HAGH: variants seen among roughly 807,000 people sequenced by gnomAD.
HAGH encodes hydroxyacylglutathione hydrolase, mitochondrial.
In HAGH, 29 loss-of-function variants were observed where a neutral mutation model predicts 35.1. The observed-to-expected ratio is 0.83, with a 90% CI of 0.62 to 1.13. The LOEUF is 1.13. Among genes scored for constraint, HAGH ranks in the 50% most tolerant of loss-of-function variants. The pLI is 0.00. For missense variants in HAGH, 478 were observed against 419.6 expected, an observed-to-expected ratio of 1.14 and a Z score of -1.22; for synonymous variants, 225 against 176.1, an observed-to-expected ratio of 1.28 and a Z score of -2.20.
At position 1,809,020 on chromosome 16, in the gene HAGH, G is replaced by T; in HGVS notation, c.*263C>A. On this transcript the variant is annotated 3_prime_UTR_variant, in exon 9 of 9. Coordinates refer to ENST00000397356, the MANE Select transcript of HAGH (RefSeq NM_005326.6). ...GACCTGAAGCGTGGGTGGGGGGACT[G>T]CAGTGGCTCACGGAGGAGGAAGGAG... 2.1e-6 allele frequency: 1 copy of T among 478,552 alleles called. No homozygotes were observed. The highest frequency in any genetic ancestry group is 3.7e-6 in the Non-Finnish European group (1 of 266,704). 29.6% of individuals were successfully genotyped at this position (478,552 alleles called of 1,614,324 possible).
Position 1,814,930 on chromosome 16 carries a change from T to TATAC in HAGH, c.747+1962_747+1963insGTAT, listed in dbSNP as rs1555467327. 9.5e-3 allele frequency among the ~76,000 whole-genome samples: 1,343 copies of TATAC among 140,718 alleles called. 94 individuals carry two copies. The East Asian group carries it at 0.19, about 20-fold the overall frequency. 92.3% of individuals were successfully genotyped at this position (140,718 alleles called of 152,430 possible). A position where few individuals can be genotyped will look rare whatever the true frequency, so the allele number is the denominator to read the frequency against. ...AAACAAATAAATATATATATGTATA[T>TATAC]ACACACACACACACACACACACACA... On this transcript the variant is annotated intron_variant, in intron 7 of 8. Coordinates refer to ENST00000397356, the MANE Select transcript of HAGH (RefSeq NM_005326.6).
intron 2 of HAGH, among the ~76,000 whole-genome samples, 161 bp downstream of exon 2, chr16:1,822,704 G>T (rs762472515): frequency 2.0e-5 from 3 of 152,192 alleles, no homozygotes; most frequent in Admixed American, 6.5e-5. Context: ...ACTGCCTCTC[G>T]CCTCCACCCT....
intron 7 of HAGH, among the ~76,000 whole-genome samples, chr16:1,813,519 T>C (rs2575357): frequency 0.22 from 34,103 of 152,144 alleles, 3,888 homozygotes; most frequent in East Asian, 0.29. Context: ...TGCTTAGGGA[T>C]CCATTTAGTA....
Position 1,809,270 on chromosome 16 carries a change from G to T in HAGH, c.*13C>A. ...AGCCTAATCCCCAAATCCGCTGAAG[G>T]TGCAGGGCGGCCTCAGTCCCGGGGC... On this transcript the variant is annotated 3_prime_UTR_variant, in exon 9 of 9. Transcript: ENST00000397356. 1.3e-6 allele frequency: 2 copies of T among 1,570,740 alleles called. No individual in the cohort carries two copies. Among genetic ancestry groups the T allele is most frequent in the Non-Finnish European group, 1.7e-6 (2 of 1,145,442 alleles).
Position 1,815,151 on chromosome 16 carries a change from G to A in HAGH, c.747+1742C>T, listed in dbSNP as rs138727622. On this transcript the variant is annotated intron_variant, in intron 7 of 8. Transcript: ENST00000397356. ...ATCCACATTTTAAAGGCAGTGAGACGCCACCACAGGCAAGTTAGAATGGCA... is the reference window on the plus strand; with the variant it reads ...ATCCACATTTTAAAGGCAGTGAGACACCACCACAGGCAAGTTAGAATGGCA... 2.2e-3 allele frequency among the ~76,000 whole-genome samples: 341 copies of A among 152,200 alleles called. 2 individuals are homozygous for A. Among genetic ancestry groups the A allele is most frequent in the African/African-American group, 7.6e-3 (315 of 41,528 alleles).
chr16:1,807,742 T>TCTG lies in HAGH; in HGVS notation c.*1538_*1540dup, dbSNP rs1316239665. ...TGGGAGAAGAAAGCCGGAGAAGCAG[T>TCTG]CTGCCCTGCCTCCTCACACACGCCT... On this transcript the variant is annotated 3_prime_UTR_variant, in exon 9 of 9. Transcript: ENST00000397356. 1 of 152,280 alleles carries TCTG rather than the reference T, an allele frequency of 6.6e-6. No individual in the cohort carries two copies. The highest frequency in any genetic ancestry group is 1.5e-5 in the Non-Finnish European group (1 of 68,082). The allele number at this position is 152,280 out of a possible 1,614,324, so 9.4% of individuals were successfully genotyped here.
At position 1,809,811 on chromosome 16, in the gene HAGH, G is replaced by A; in HGVS notation, c.770C>T (p.Pro257Leu). 2.5e-6 allele frequency: 4 copies of A among 1,613,710 alleles called. No homozygotes were observed. Among genetic ancestry groups the A allele is most frequent in the Non-Finnish European group, 3.4e-6 (4 of 1,179,592 alleles). Reference sequence around the variant, plus strand: ...CTCTGCCAGGGTGGATGGCACTGTGGGCTCCCCGATGCTGTACTTCTCCTG... The same window carrying A: ...CTCTGCCAGGGTGGATGGCACTGTGAGCTCCCCGATGCTGTACTTCTCCTG... ...WAKEKYSIGE[P>L]TVPSTLAEEF... The change falls in exon 8 of 9, where the codon CCC (proline) becomes CTC (leucine). Residue 257 changes from proline to leucine, a missense_variant. Physicochemically the swap from Pro to Leu is moderately conservative, Grantham distance 98. Coordinates refer to ENST00000397356, the MANE Select transcript of HAGH (RefSeq NM_005326.6).
intron 3 of HAGH, among the ~76,000 whole-genome samples, chr16:1,821,356 G>A (rs1255471993): frequency 6.6e-6 from 1 of 152,178 alleles, no homozygotes; most frequent in Non-Finnish European, 1.5e-5. Flanking sequence ...GAGGACCAAA[G>A]GCTTCATTTC....
In HAGH at chr16:1,809,031, C is replaced by T. The variant is rs1625344; in HGVS notation, c.*252G>A. 0.74 allele frequency: 345,975 copies of T among 464,830 alleles called. 129,455 individuals are homozygous for T. Among genetic ancestry groups the T allele is most frequent in the Middle Eastern group, 0.81 (1,406 of 1,746 alleles). The allele number at this position is 464,830 out of a possible 1,614,324, so 28.8% of individuals were successfully genotyped here. On this transcript the variant is annotated 3_prime_UTR_variant, in exon 9 of 9. Transcript: ENST00000397356. ...TGGGTGGGGGGACTGCAGTGGCTCA[C>T]GGAGGAGGAAGGAGGCCCGAGGGGA...
At chr16:1,809,592 C>A (rs112220973) in intron 8 of HAGH, 162 bp downstream of exon 8, 3 of 693,938 alleles carry the variant, frequency 4.3e-6, no homozygotes, top group African/African-American at 3.5e-5. Flanking sequence ...CAGGAAAGGC[C>A]GGACCCCCCT....
chr16:1,821,977 C>A, intron 3 of HAGH: 9 of 244,024 alleles, frequency 3.7e-5, no homozygotes, highest in South Asian at 1.6e-4. Context: ...AAAAACCACT[C>A]ACCTGTAGAC....
intron 7 of HAGH, among the ~76,000 whole-genome samples, chr16:1,815,973 G>A (rs1246535996): frequency 2.1e-4 from 24 of 115,552 alleles, no homozygotes; most frequent in Non-Finnish European, 3.6e-4. Flanking sequence ...ACGGAGTCTC[G>A]CTCTGTCACC....
At chr16:1,825,198 G>C (rs975681401) in intron 1 of HAGH, among the ~76,000 whole-genome samples, 1 of 152,106 alleles carries the variant, frequency 6.6e-6, no homozygotes, top group Non-Finnish European at 1.5e-5. Flanking sequence ...AGCGCCTGTA[G>C]TCCCAGCTAC....
At chr16:1,817,036 AC>A in intron 6 of HAGH, 42 bp from the exon 7 acceptor site, 4 of 1,467,380 alleles carry the variant, frequency 2.7e-6, no homozygotes, top group Non-Finnish European at 3.8e-6. Flanking sequence ...GGCTGTTACC[AC>A]CTGTGAAAGT....
chr16:1,810,995 A>G (rs932700681), intron 7 of HAGH: 4 of 152,238 alleles, frequency 2.6e-5, no homozygotes, highest in African/African-American at 9.6e-5. Flanking sequence ...CAAAGTTAAC[A>G]CTTCTAAGGA....
Position 1,817,253 on chromosome 16 carries a change from G to A in HAGH, c.560C>T (p.Ala187Val). 8 of 1,611,980 alleles carry A rather than the reference G, an allele frequency of 5.0e-6. No individual in the cohort carries two copies. The highest frequency in any genetic ancestry group is 6.8e-6 in the Non-Finnish European group (8 of 1,178,056). The change falls in exon 6 of 9, where the codon GCT (alanine) becomes GTT (valine). Residue 187 changes from alanine (A) to valine (V), a missense_variant. Transcript: ENST00000397356. ...CCCTTCATAGAACTTCCCGCAGCCA[G>A]CCACAAACAAGGTGTCACCTGGAAA... ...AVFTGDTLFV[A>V]GCGKFYEGTA...
intron 7 of HAGH, among the ~76,000 whole-genome samples, chr16:1,815,926 G>C (rs1332339216): frequency 6.7e-6 from 1 of 149,180 alleles, no homozygotes; most frequent in Non-Finnish European, 1.5e-5. Context: ...GGCTGAGGCA[G>C]GGAGAATTTT....
intron 3 of HAGH, chr16:1,821,512 A>G (rs1898146286): frequency 6.6e-6 from 1 of 152,280 alleles, no homozygotes; most frequent in Admixed American, 6.5e-5. Flanking sequence ...AAGAGCCTCA[A>G]AAATTTCTAA....
chr16:1,826,234 A>C (rs1898408739), intron 1 of HAGH, among the ~76,000 whole-genome samples: 1 of 151,472 alleles, frequency 6.6e-6, no homozygotes, highest in Non-Finnish European at 1.5e-5. Flanking sequence ...CCTCGGGCGA[A>C]TGACACGCCG....
Sources: gnomAD v4.1 joint callset for allele counts (sites outside exome capture counted in the v4.1 genomes callset) on GRCh38, gnomAD v4.1.1 for gene constraint, MANE v1.5 for transcripts, NCBI Gene and HGNC (gene_info 2026-07-23, HGNC 2026-07-21) for gene names.